Variants in PXK observed in about 807,000 individuals in gnomAD.
PXK encodes the protein PX domain containing serine/threonine kinase like, also known as PX domain-containing protein kinase-like protein.
A neutral mutation model predicts 84.7 loss-of-function variants in PXK; 35 were observed. That is an observed-to-expected ratio of 0.41 (90% CI 0.32 to 0.55). The LOEUF is 0.55. Ranked by LOEUF, PXK falls within the 20% of genes least tolerant of loss-of-function variation. PXK has a pLI of 0.21. For missense variants in PXK, 634 were observed against 699.7 expected (o/e 0.91, Z 1.06); for synonymous variants, 253 against 260.8 (o/e 0.97, Z 0.29).
chr3:58,419,128 A>G (rs529855611), intron 17 of PXK, among the ~76,000 whole-genome samples: 9 of 152,312 alleles, frequency 5.9e-5, no homozygotes, highest in Admixed American at 5.2e-4. Flanking sequence ...GGGGAAACCC[A>G]GCAAGTCTGT....
chr3:58,338,316 CA>C lies in PXK; in HGVS notation c.102+5241del, dbSNP rs538241350. Among the ~76,000 whole-genome samples the C allele has an allele frequency of 7.1e-3, 673 of 94,858 alleles. 1 individual carries two copies. Among genetic ancestry groups the C allele is most frequent in the African/African-American group, 0.014 (404 of 28,174 alleles). 62.2% of individuals were successfully genotyped at this position (94,858 alleles called of 152,430 possible). On this transcript the variant is annotated intron_variant, in intron 1 of 17. Transcript: ENST00000356151. ...CATCACGCCATTGCACTCTCCGTCT[CA>C]AAAAAAAAAAAAAAGTTTCTTTAGG...
chr3:58,355,455 C>T (rs1469529375), intron 1 of PXK, among the ~76,000 whole-genome samples: 1 of 152,200 alleles, frequency 6.6e-6, no homozygotes, highest in Non-Finnish European at 1.5e-5. Flanking sequence ...TTGGCTTGAG[C>T]GACTTAACAC....
In PXK at chr3:58,390,353, T is replaced by G. The variant is rs1013033101; in HGVS notation, c.389-229T>G. Among the ~76,000 whole-genome samples the G allele has an allele frequency of 6.6e-5, 10 of 152,214 alleles. No homozygotes were observed. Among genetic ancestry groups the G allele is most frequent in the African/African-American group, 1.9e-4 (8 of 41,454 alleles). On this transcript the variant is annotated intron_variant, in intron 4 of 17. Coordinates refer to ENST00000356151, the MANE Select transcript of PXK (RefSeq NM_017771.5). The surrounding 1 kb of genome is among the most constrained non-coding windows in gnomAD (Gnocchi z 4.2). ...ATTAACTATGGGCTTTATTCAGATT[T>G]TACCAGTTTTTCTGCTAGTGTACTT...
In PXK at chr3:58,383,443, C is replaced by A. The variant is rs923067160; in HGVS notation, c.388+743C>A. 6.6e-6 allele frequency among the ~76,000 whole-genome samples: 1 copy of A among 151,988 alleles called. No homozygotes were observed. The highest frequency in any genetic ancestry group is 2.4e-5 in the African/African-American group (1 of 41,382). On this transcript the variant is annotated intron_variant, in intron 4 of 17. Transcript: ENST00000356151. The surrounding 1 kb of genome is among the most constrained non-coding windows in gnomAD (Gnocchi z 4.0). ...TTGTATTTACAATATGTTGTGTGTT[C>A]TGTTTTTTCTGGGAATTTACTTTAA...
chr3:58,390,997 G>A lies in PXK; in HGVS notation c.467-150G>A. Reference sequence around the variant, plus strand: ...TCTTTTTAAGTATAGCCTTTACTATGCCAACGTTATCAAATGGTTCTTTTA... The same window carrying A: ...TCTTTTTAAGTATAGCCTTTACTATACCAACGTTATCAAATGGTTCTTTTA... On this transcript the variant is annotated intron_variant, in intron 5 of 17. Coordinates refer to ENST00000356151, the MANE Select transcript of PXK (RefSeq NM_017771.5). This position sits in a 1 kb window ranked among gnomAD's most constrained non-coding sequence, Gnocchi z 4.2. The A allele has an allele frequency of 3.3e-6, 2 of 610,964 alleles. No homozygotes were observed. Among genetic ancestry groups the A allele is most frequent in the Admixed American group, 2.9e-5 (1 of 34,060 alleles). 37.8% of individuals were successfully genotyped at this position (610,964 alleles called of 1,614,324 possible).
In PXK at chr3:58,340,109, C is replaced by T. The variant is rs182514952; in HGVS notation, c.102+7019C>T. Among the ~76,000 whole-genome samples, 461 of 147,806 alleles carry T rather than the reference C, an allele frequency of 3.1e-3. 2 individuals are homozygous for T. Among genetic ancestry groups the T allele is most frequent in the African/African-American group, 0.011 (423 of 39,390 alleles). On this transcript the variant is annotated intron_variant, in intron 1 of 17. Coordinates refer to ENST00000356151, the MANE Select transcript of PXK (RefSeq NM_017771.5). ...CTGGGATTACAGGCCCCAGCCACTGCGCCTGGCCGATTTTTTTTTTTTTTT... is the reference window on the plus strand; with the variant it reads ...CTGGGATTACAGGCCCCAGCCACTGTGCCTGGCCGATTTTTTTTTTTTTTT...
rs1559828055 is a variant in PXK, at chr3:58,336,051, ATATATATATATATATATATAT to A, written c.102+2963_102+2983del. ...AACCTTGGGAAACATATATATATATATATATATATATATATATATATTTTTTTTTTTTTTTTTTAATACCAA... is the reference window on the plus strand; with the variant it reads ...AACCTTGGGAAACATATATATATATATTTTTTTTTTTTTTTTTAATACCAA... On this transcript the variant is annotated intron_variant, in intron 1 of 17. Coordinates refer to ENST00000356151, the MANE Select transcript of PXK (RefSeq NM_017771.5). Among the ~76,000 whole-genome samples the A allele has an allele frequency of 5.8e-5, 3 of 52,064 alleles. No homozygotes were observed. In the East Asian group the frequency reaches 1.5e-3, roughly 27 times the overall value. 34.2% of individuals were successfully genotyped at this position (52,064 alleles called of 152,430 possible).
rs548144666 is a variant in PXK at position 58,346,579 on chromosome 3, A to G, written c.102+13489A>G. Among the ~76,000 whole-genome samples, 16 of 152,318 alleles carry G rather than the reference A, an allele frequency of 1.1e-4. 1 individual carries two copies. The highest frequency in any genetic ancestry group is 3.8e-4 in the African/African-American group (16 of 41,572). ...TACTGAAAAGGGAGTGTTACTTGTC[A>G]TAATAGATGACATTGTTTAAGCTTT... On this transcript the variant is annotated intron_variant, in intron 1 of 17. Coordinates refer to ENST00000356151, the MANE Select transcript of PXK (RefSeq NM_017771.5).
chr3:58,419,000 A>C lies in PXK; in HGVS notation c.1529-5752A>C, dbSNP rs182389015. 4.8e-4 allele frequency among the ~76,000 whole-genome samples: 73 copies of C among 152,382 alleles called. 1 individual carries two copies. The East Asian group carries it at 0.013, about 27-fold the overall frequency. On this transcript the variant is annotated intron_variant, in intron 17 of 17. Coordinates refer to ENST00000356151, the MANE Select transcript of PXK (RefSeq NM_017771.5). ...GTATACACAGGAGCCTTCAGAATGA[A>C]GACCCAAAGGTACAGGGAAAATTGT... is the stretch of plus-strand genomic sequence containing the variant.
chr3:58,357,659 C>T lies in PXK; in HGVS notation c.103-8215C>T, dbSNP rs372093381. Among the ~76,000 whole-genome samples, 42 of 152,258 alleles carry T rather than the reference C, an allele frequency of 2.8e-4. No individual in the cohort carries two copies. The South Asian group carries it at 3.7e-3, about 14-fold the overall frequency. ...TTAGCTCCATTATAATCTTATTAGA[C>T]CTTGGCCAGGCGTTGTGGCTGACAC... On this transcript the variant is annotated intron_variant, in intron 1 of 17. Coordinates refer to ENST00000356151, the MANE Select transcript of PXK (RefSeq NM_017771.5).
At chr3:58,354,869 A>G (rs116379482) in intron 1 of PXK, among the ~76,000 whole-genome samples, 2,379 of 152,120 alleles carry the variant, frequency 0.016, 70 homozygotes, top group African/African-American at 0.055. Context: ...TGTAATCCCA[A>G]CACTTTTGGA....
At chr3:58,402,915 CA>C (rs1218027496) in intron 12 of PXK, among the ~76,000 whole-genome samples, 43 of 151,972 alleles carry the variant, frequency 2.8e-4, no homozygotes, top group African/African-American at 1.0e-3. Flanking sequence ...CTATTAAGCC[CA>C]GTACGCAATA....
chr3:58,341,393 C>T (rs915787342), intron 1 of PXK, among the ~76,000 whole-genome samples: 3 of 152,008 alleles, frequency 2.0e-5, no homozygotes, highest in South Asian at 2.1e-4. Context: ...GAAACCCTGT[C>T]GCTACTAAAA....
rs2097534022 is a variant in PXK at position 58,333,529 on chromosome 3, G to C, written c.102+439G>C. ...TGCAGCTGAGGGTCTGGGTGATGGG[G>C]ATGAGGGTGTGCCGGGCCAAATGAA... On this transcript the variant is annotated intron_variant, in intron 1 of 17. Transcript: ENST00000356151. The surrounding 1 kb of genome is among the most constrained non-coding windows in gnomAD (Gnocchi z 5.4). 1 of 456,620 alleles carries C rather than the reference G, an allele frequency of 2.2e-6. No homozygotes were observed. The highest frequency in any genetic ancestry group is 2.0e-5 in the African/African-American group (1 of 50,094). The allele number at this position is 456,620 out of a possible 1,614,324, so 28.3% of individuals were successfully genotyped here.
At chr3:58,378,797 A>C (rs2098470419) in intron 3 of PXK, among the ~76,000 whole-genome samples, 1 of 151,512 alleles carries the variant, frequency 6.6e-6, no homozygotes. Context: ...CGGCCTCCCA[A>C]AGTGCTGGGA....
rs2062623009 is a variant in PXK at position 58,424,944 on chromosome 3, C to T, written c.1721C>T (p.Ala574Val). Residue 574 changes from alanine (A) to valine (V), a missense_variant, in exon 18 of 18, where the codon GCT becomes GTT. Coordinates refer to ENST00000356151, the MANE Select transcript of PXK (RefSeq NM_017771.5). ...LRKAKTCDHS[A>V]PKIG ...AAAGCCAAAACCTGTGATCACAGTG[C>T]TCCGAAGATCGGCTGAAGCTTCCTG... 6.2e-7 allele frequency: 1 copy of T among 1,613,972 alleles called. No individual in the cohort carries two copies. The highest frequency in any genetic ancestry group is 1.1e-5 in the South Asian group (1 of 91,088).
chr3:58,408,450 G>A (rs2059700595), intron 13 of PXK, among the ~76,000 whole-genome samples: 1 of 151,960 alleles, frequency 6.6e-6, no homozygotes, highest in Non-Finnish European at 1.5e-5. Flanking sequence ...AGAGAAGTGA[G>A]TGTGTTAGGG....
intron 4 of PXK, among the ~76,000 whole-genome samples, chr3:58,387,822 T>G: frequency 6.7e-6 from 1 of 148,818 alleles, no homozygotes; most frequent in Non-Finnish European, 1.5e-5. Context: ...AGGGAGAGAG[T>G]CCTGGCTAAT....
intron 17 of PXK, chr3:58,422,422 G>A (rs2062035070): frequency 1.6e-5 from 16 of 985,282 alleles, no homozygotes; most frequent in Non-Finnish European, 1.9e-5. Context: ...AGCCTGCTGA[G>A]GCCACATCAG....
Sources: allele counts gnomAD v4.1 joint callset (sites outside exome capture counted in the v4.1 genomes callset), GRCh38; gene constraint gnomAD v4.1.1; non-coding constraint Gnocchi (gnomAD v3.1); transcripts MANE v1.5; gene names NCBI Gene and HGNC (gene_info 2026-07-23, HGNC 2026-07-21).